The following PTK2 variants were observed in gnomAD, a reference collection of about 807,000 sequenced individuals.
PTK2 encodes protein tyrosine kinase 2.
A neutral mutation model predicts 150.1 loss-of-function variants in PTK2; 45 were observed. The ratio of observed to expected loss-of-function variants is 0.30; its 90% CI spans 0.24 to 0.38. The LOEUF (loss-of-function observed/expected upper bound fraction) is 0.38. Ranked by LOEUF, PTK2 falls within the 10% of genes least tolerant of loss-of-function variation. The pLI is 1.00. For synonymous variants in PTK2, 432 were observed against 449.2 expected, an observed-to-expected ratio of 0.96 and a Z score of 0.48; for missense variants, 919 against 1,307.3, an observed-to-expected ratio of 0.70 and a Z score of 4.58.
chr8:140,894,870 T>G (rs2100155524), intron 2 of PTK2, among the ~76,000 whole-genome samples: 1 of 152,158 alleles, frequency 6.6e-6, no homozygotes, highest in South Asian at 2.1e-4. Context: ...ATAGAAGATC[T>G]GAAGAGCACG....
At chr8:140,758,449 G>A (rs1302652614) in intron 16 of PTK2, among the ~76,000 whole-genome samples, 1 of 152,118 alleles carries the variant, frequency 6.6e-6, no homozygotes, top group African/African-American at 2.4e-5. Flanking sequence ...ACAGCCTCAA[G>A]CAGGGCCTTT....
chr8:140,859,891 T>C (rs1223071191), intron 5 of PTK2, among the ~76,000 whole-genome samples: 1 of 152,202 alleles, frequency 6.6e-6, no homozygotes, highest in Non-Finnish European at 1.5e-5. Context: ...ATAACAGTTC[T>C]GGAATTGCGA....
intron 1 of PTK2, among the ~76,000 whole-genome samples, chr8:140,970,259 A>G (rs1216680023): frequency 6.6e-6 from 1 of 152,212 alleles, no homozygotes; most frequent in Non-Finnish European, 1.5e-5. Flanking sequence ...TGTATTTAAA[A>G]AAGTGTCTAG....
chr8:140,949,025 C>G (rs1057507518), intron 1 of PTK2, among the ~76,000 whole-genome samples: 4 of 151,842 alleles, frequency 2.6e-5, no homozygotes, highest in Admixed American at 6.6e-5. Flanking sequence ...AGACCAACCC[C>G]TCTTCTTCCT....
chr8:140,809,169 C>A (rs1325320456), intron 10 of PTK2, among the ~76,000 whole-genome samples: 1 of 151,996 alleles, frequency 6.6e-6, no homozygotes, highest in African/African-American at 2.4e-5. Context: ...TTTAAAGATG[C>A]ACTTAAAAGG....
At chr8:140,922,043 C>A (rs937603132) in intron 2 of PTK2, among the ~76,000 whole-genome samples, 1 of 152,094 alleles carries the variant, frequency 6.6e-6, no homozygotes, top group Admixed American at 6.6e-5. Flanking sequence ...TTTGTATAAA[C>A]CAATCAAAAA....
intron 1 of PTK2, among the ~76,000 whole-genome samples, chr8:140,988,728 C>CAAAAAAAAAAAAAAAAA (rs71310814): frequency 1.4e-5 from 1 of 69,960 alleles, no homozygotes; most frequent in Non-Finnish European, 2.6e-5. Context: ...GACTCCATCC[C>CAAAAAAAAAAAAAAAAA]AAAAAAAAAA....
intron 30 of PTK2, among the ~76,000 whole-genome samples, chr8:140,667,450 TTCTC>T (rs56914419): frequency 0.026 from 3,814 of 144,214 alleles, 100 homozygotes; most frequent in African/African-American, 0.056. Flanking sequence ...TCCTCTTTCT[TTCTC>T]TCTCTCTCTC....
chr8:140,907,853 A>C (rs2100161605), intron 2 of PTK2, among the ~76,000 whole-genome samples: 1 of 152,170 alleles, frequency 6.6e-6, no homozygotes, highest in Non-Finnish European at 1.5e-5. Flanking sequence ...CTGCTGCCTC[A>C]TCTCTCCCAC....
intron 1 of PTK2, among the ~76,000 whole-genome samples, chr8:140,956,463 C>G (rs1437419907): frequency 6.6e-6 from 1 of 152,232 alleles, no homozygotes; most frequent in African/African-American, 2.4e-5. Context: ...TGTACAGTAC[C>G]TAACACTTGA....
chr8:140,853,189 C>T (rs1310791940), intron 5 of PTK2, among the ~76,000 whole-genome samples: 3 of 119,326 alleles, frequency 2.5e-5, no homozygotes, highest in African/African-American at 5.2e-5. Flanking sequence ...TATGATGTCA[C>T]ACTCTTTTTT....
rs774075159 is a variant in PTK2, at chr8:140,846,292, T to C, written c.561A>G (p.Ala187=). ...CTTCATAGTTAGACTTCTTTTCTAG[T>C]GCATTGCCCCGCATCTCCCAGTATG... Residue 187 remains alanine, a synonymous_variant, in exon 7 of 32, where the codon GCA becomes GCG. Coordinates refer to ENST00000522684, the Ensembl canonical transcript of PTK2. The C allele has an allele frequency of 1.6e-5, 25 of 1,612,542 alleles. No homozygotes were observed. In the South Asian group the frequency reaches 1.7e-4, roughly 11 times the overall value.
intron 14 of PTK2, among the ~76,000 whole-genome samples, chr8:140,773,448 C>T (rs1176151861): frequency 6.6e-6 from 1 of 152,162 alleles, no homozygotes; most frequent in Non-Finnish European, 1.5e-5. Context: ...GGAATATTTT[C>T]AAGTGGGGCT....
At chr8:140,669,301 G>GTATGTATATATATATATATA (rs547959878) in intron 29 of PTK2, 6 of 97,984 alleles carry the variant, frequency 6.1e-5, no homozygotes, top group African/African-American at 2.8e-4. Context: ...GCATAAAATG[G>GTATGTATATATATATATATA]TATATATATA....
At chr8:140,745,192 T>C (rs1483387343) in intron 18 of PTK2, among the ~76,000 whole-genome samples, 3 of 152,196 alleles carry the variant, frequency 2.0e-5, no homozygotes, top group Admixed American at 1.3e-4. Flanking sequence ...ATGAGGATAA[T>C]GTAATGCGGA....
chr8:140,680,377 G>A (rs116507345), intron 27 of PTK2, among the ~76,000 whole-genome samples: 2,932 of 152,108 alleles, frequency 0.019, 117 homozygotes, highest in African/African-American at 0.063. Context: ...ACAGGTACCC[G>A]CTACCACGCC....
At chr8:140,740,282 C>T (rs1327329116) in intron 20 of PTK2, among the ~76,000 whole-genome samples, 3 of 152,112 alleles carry the variant, frequency 2.0e-5, no homozygotes, top group African/African-American at 4.8e-5. Context: ...GCCAAGTGTC[C>T]TGAAAGTAGA....
chr8:140,666,609 C>A (rs964603610), intron 30 of PTK2, among the ~76,000 whole-genome samples: 9 of 151,980 alleles, frequency 5.9e-5, no homozygotes, highest in Admixed American at 5.9e-4. Context: ...TTCAAAATAA[C>A]CCCCCAGAAA....
At chr8:140,855,210 C>T (rs1360907644) in intron 5 of PTK2, among the ~76,000 whole-genome samples, 1 of 151,986 alleles carries the variant, frequency 6.6e-6, no homozygotes, top group Non-Finnish European at 1.5e-5. Flanking sequence ...GGAGTGTGTT[C>T]ACTATGTGCC....
Sources: allele counts gnomAD v4.1 joint callset (sites outside exome capture counted in the v4.1 genomes callset), GRCh38; gene constraint gnomAD v4.1.1; transcripts MANE v1.5; gene names NCBI Gene and HGNC (gene_info 2026-07-23, HGNC 2026-07-21).